Variants in LONRF3 observed in about 807,000 individuals in gnomAD.
The protein encoded by LONRF3 is LON peptidase N-terminal domain and RING finger protein 3.
Under a neutral mutation model 51.7 loss-of-function variants are expected in LONRF3, and 19 were observed. The ratio of observed to expected loss-of-function variants is 0.37; its 90% confidence interval spans 0.26 to 0.54. The LOEUF (loss-of-function observed/expected upper bound fraction) is 0.54. Among genes scored for constraint, LONRF3 ranks in the 20% least tolerant of loss-of-function variants. The pLI is 0.86. For missense variants in LONRF3, 521 were observed against 623.9 expected (o/e 0.84, Z 1.76); for synonymous variants, 265 against 257.8 (o/e 1.03, Z -0.27).
At position 118,975,127 on chromosome X, in the gene LONRF3, C is replaced by T. The variant is rs1397913195; in HGVS notation, c.347C>T (p.Pro116Leu). 3 of 1,169,579 alleles carry T rather than the reference C, an allele frequency of 2.6e-6. No homozygotes were observed. The highest frequency in any genetic ancestry group is 1.9e-5 in the South Asian group (1 of 53,001). Residue 116 changes from proline to leucine, a missense_variant, in exon 1 of 11, where the codon CCG (proline) becomes CTG (leucine). Physicochemically the swap from Pro to Leu is moderately conservative, Grantham distance 98. Coordinates refer to ENST00000371628, the MANE Select transcript of LONRF3 (RefSeq NM_001031855.3). ...GTGCGCTGCCTGGCGGAGAAAGTCC[C>T]GCAAGGCGAGGCGCTGGCGCCGGCG... The part of the protein sequence containing the change: ...QLVRCLAEKV[P>L]QGEALAPAPP...
intron 5 of LONRF3, among the ~76,000 whole-genome samples, chrX:118,992,906 C>G (rs980450255): frequency 9.0e-6 from 1 of 110,911 alleles, no homozygotes; most frequent in Non-Finnish European, 1.9e-5. Context: ...GTGGCTAGAC[C>G]CAGAAGAGAG....
intron 5 of LONRF3, among the ~76,000 whole-genome samples, chrX:119,004,508 T>C (rs1246147085): frequency 8.9e-6 from 1 of 112,476 alleles, no homozygotes; most frequent in Non-Finnish European, 1.9e-5. Context: ...TGTAACACAG[T>C]GATCCTCAAT....
intron 3 of LONRF3, 51 bp from the exon 4 acceptor site, chrX:118,989,357 G>A: frequency 1.1e-5 from 13 of 1,178,803 alleles, no homozygotes; most frequent in Non-Finnish European, 1.5e-5. Flanking sequence ...AATATGAGAG[G>A]ACAATATTAG....
intron 4 of LONRF3, 30 bp downstream of exon 4, chrX:118,989,702 T>C (rs1224277894): frequency 4.2e-6 from 5 of 1,185,906 alleles, no homozygotes; most frequent in South Asian, 1.9e-5. Context: ...AGAAGGTAGC[T>C]TGGAGGAGAT....
intron 2 of LONRF3, among the ~76,000 whole-genome samples, chrX:118,978,712 T>C (rs755327495): frequency 8.1e-5 from 9 of 111,640 alleles, no homozygotes; most frequent in African/African-American, 2.6e-4. Flanking sequence ...CTCTAGAATA[T>C]GCACTTGGGA....
chrX:118,982,647 GT>G (rs1922654707), intron 2 of LONRF3, among the ~76,000 whole-genome samples, 173 bp from the exon 3 acceptor site: 1 of 112,046 alleles, frequency 8.9e-6, no homozygotes, highest in Non-Finnish European at 1.9e-5. Context: ...TTGGGTTTCA[GT>G]TTTGTCTTCT....
Position 118,975,140 on chromosome X carries a change from G to A in LONRF3, c.360G>A (p.Ala120=). The change falls in exon 1 of 11, where the codon GCG becomes GCA. Residue 120 remains alanine, a synonymous_variant. Coordinates refer to ENST00000371628, the MANE Select transcript of LONRF3 (RefSeq NM_001031855.3). ...CLAEKVPQGE[A]LAPAPPDEGS... is the part of the protein sequence containing the mutation. ...CGGAGAAAGTCCCGCAAGGCGAGGCGCTGGCGCCGGCGCCCCCGGACGAGG... is the reference window on the plus strand; with the variant it reads ...CGGAGAAAGTCCCGCAAGGCGAGGCACTGGCGCCGGCGCCCCCGGACGAGG... The A allele has an allele frequency of 8.6e-7, 1 of 1,169,233 alleles. No homozygotes were observed. Among genetic ancestry groups the A allele is most frequent in the Admixed American group, 2.5e-5 (1 of 39,225 alleles).
At chrX:119,010,985 G>C (rs1348656019) in intron 7 of LONRF3, among the ~76,000 whole-genome samples, 1 of 109,903 alleles carries the variant, frequency 9.1e-6, no homozygotes, top group Non-Finnish European at 1.9e-5. Context: ...ATGGTGGCAT[G>C]CACCTGTAAT....
chrX:119,013,359 T>C (rs1010389142), intron 9 of LONRF3, among the ~76,000 whole-genome samples, 158 bp downstream of exon 9: 2 of 112,113 alleles, frequency 1.8e-5, no homozygotes, highest in African/African-American at 6.5e-5. Context: ...TGCTGTCCAG[T>C]TGCACTATGG....
intron 5 of LONRF3, among the ~76,000 whole-genome samples, chrX:118,999,590 A>G (rs1924127053): frequency 8.9e-6 from 1 of 112,009 alleles, no homozygotes; most frequent in African/African-American, 3.3e-5. Context: ...GTTTTCTCTG[A>G]AAACTAAGAA....
intron 8 of LONRF3, 29 bp from the exon 9 acceptor site, chrX:119,013,010 A>G (rs1399903738): frequency 1.7e-6 from 2 of 1,208,303 alleles, no homozygotes; most frequent in African/African-American, 1.7e-5. Context: ...TCAAGGATCT[A>G]GTCTCTCGAC....
Position 119,011,992 on chromosome X carries a change from G to A in LONRF3, c.1811+19G>A, listed in dbSNP as rs879184146. The A allele has an allele frequency of 2.5e-6, 3 of 1,205,635 alleles. No individual in the cohort carries two copies. The African/African-American group carries it at 5.3e-5, about 21-fold the overall frequency. ...TCAAAGGGTAAGTGAGGAGCCATGC[G>A]AGCAAAGGGAGGTTGTGTAATGAGG... On this transcript the variant is annotated intron_variant, in intron 8 of 10. Transcript: ENST00000371628.
In LONRF3 at chrX:118,989,625, T is replaced by C. The variant is rs770950553; in HGVS notation, c.1277T>C (p.Ile426Thr). The C allele has an allele frequency of 1.9e-5, 23 of 1,209,102 alleles. No homozygotes were observed. Among genetic ancestry groups the C allele is most frequent in the African/African-American group, 3.5e-5 (2 of 57,032 alleles). The change falls in exon 4 of 11, where the codon ATT (isoleucine) becomes ACT (threonine). Residue 426 changes from isoleucine (I) to threonine (T), a missense_variant. Coordinates refer to ENST00000371628, the MANE Select transcript of LONRF3 (RefSeq NM_001031855.3). ...GAAAAGAAAAGGAAACATTGCCAGA[T>C]TGAATCCCAAGAAGAAACGGGGATG... ...CQEKKRKHCQ[I>T]ESQEETGMPN...
intron 10 of LONRF3, among the ~76,000 whole-genome samples, chrX:119,016,174 C>T (rs1252430772): frequency 9.0e-6 from 1 of 111,280 alleles, no homozygotes; most frequent in Non-Finnish European, 1.9e-5. Context: ...AGTCCTAAAA[C>T]CAAACTTGTG....
At chrX:118,976,046 A>G (rs1044314782) in intron 1 of LONRF3, among the ~76,000 whole-genome samples, 1 of 112,278 alleles carries the variant, frequency 8.9e-6, no homozygotes, top group Non-Finnish European at 1.9e-5. Flanking sequence ...CCCAGCGAGG[A>G]GAGGAACTTC....
intron 7 of LONRF3, among the ~76,000 whole-genome samples, chrX:119,009,940 T>C (rs2147305462): frequency 9.0e-6 from 1 of 110,560 alleles, no homozygotes; most frequent in South Asian, 4.0e-4. Flanking sequence ...CAGCGAATTT[T>C]TGTATTTTTT....
At chrX:119,010,221 C>T (rs1444947208) in intron 7 of LONRF3, among the ~76,000 whole-genome samples, 1 of 111,959 alleles carries the variant, frequency 8.9e-6, no homozygotes, top group African/African-American at 3.3e-5. Context: ...CATTGAGGCT[C>T]TCAGCACTCT....
intron 10 of LONRF3, 107 bp from the exon 11 acceptor site, chrX:119,017,428 C>A: frequency 1.3e-6 from 1 of 770,182 alleles, no homozygotes. Flanking sequence ...AGCAATCTGC[C>A]ACATGGAGTT....
intron 1 of LONRF3, 94 bp downstream of exon 1, chrX:118,975,691 A>T: frequency 9.0e-6 from 3 of 333,523 alleles, no homozygotes; most frequent in East Asian, 1.7e-4. Context: ...GATTTGGACC[A>T]GGGCAGAAGA....
Sources: allele counts gnomAD v4.1 joint callset (sites outside exome capture counted in the v4.1 genomes callset), GRCh38; gene constraint gnomAD v4.1.1; transcripts MANE v1.5; gene names NCBI Gene and HGNC (gene_info 2026-07-23, HGNC 2026-07-21).